EYS: variants seen among roughly 807,000 people sequenced by gnomAD.
The protein encoded by EYS is protein eyes shut homolog.
Under a neutral mutation model 282.1 loss-of-function variants are expected in EYS, and 250 were observed. The observed-to-expected ratio is 0.89, with a 90% CI of 0.80 to 0.98. The LOEUF is 0.98. Ranked by LOEUF, EYS falls within the 50% of genes least tolerant of loss-of-function variation. EYS has a pLI of 0.00. For synonymous variants in EYS, 1,355 were observed against 1,282.9 expected, an observed-to-expected ratio of 1.06 and a Z score of -1.20; for missense variants, 4,016 against 3,709.0, an observed-to-expected ratio of 1.08 and a Z score of -2.15.
At chr6:64,194,575 T>C (rs1402203531) in intron 31 of EYS, among the ~76,000 whole-genome samples, 1 of 152,136 alleles carries the variant, frequency 6.6e-6, no homozygotes, top group Non-Finnish European at 1.5e-5. Context: ...ACAATTACCT[T>C]TTGGTTTTTG....
At chr6:65,074,084 A>C (rs1329469627) in intron 12 of EYS, among the ~76,000 whole-genome samples, 1 of 152,082 alleles carries the variant, frequency 6.6e-6, no homozygotes, top group Non-Finnish European at 1.5e-5. Context: ...TAACTTATTA[A>C]GATAGTATTT....
intron 35 of EYS, among the ~76,000 whole-genome samples, chr6:63,878,565 G>T (rs561950753): frequency 4.6e-5 from 7 of 152,290 alleles, no homozygotes; most frequent in Non-Finnish European, 8.8e-5. Flanking sequence ...GCTATGCCCT[G>T]CCCGCAGAGG....
chr6:64,453,221 G>A (rs528578990), intron 26 of EYS, among the ~76,000 whole-genome samples: 195 of 152,200 alleles, frequency 1.3e-3, no homozygotes, highest in African/African-American at 4.6e-3. Context: ...CTTCTCAAGA[G>A]AAGACATTTA....
chr6:65,463,165 T>C (rs1413326827), intron 5 of EYS, among the ~76,000 whole-genome samples: 2 of 152,098 alleles, frequency 1.3e-5, no homozygotes, highest in Admixed American at 6.6e-5. Context: ...GTCTTTCAGA[T>C]GGTCTCTGAG....
chr6:64,306,530 T>G (rs1453315504), intron 30 of EYS, among the ~76,000 whole-genome samples: 1 of 152,152 alleles, frequency 6.6e-6, no homozygotes, highest in Non-Finnish European at 1.5e-5. Flanking sequence ...GATTTCTGTA[T>G]CCAGAAGCAG....
chr6:64,630,884 T>C (rs942476564), intron 22 of EYS, among the ~76,000 whole-genome samples: 4 of 152,212 alleles, frequency 2.6e-5, no homozygotes, highest in Non-Finnish European at 5.9e-5. Flanking sequence ...TCTGTAAAAA[T>C]TTATAACATG....
intron 2 of EYS, among the ~76,000 whole-genome samples, chr6:65,548,754 C>A (rs1768488291): frequency 6.6e-6 from 1 of 152,128 alleles, no homozygotes. Flanking sequence ...AGTATTAAAC[C>A]CACCCTATGA....
intron 35 of EYS, among the ~76,000 whole-genome samples, chr6:63,892,947 A>C (rs1487859487): frequency 6.6e-6 from 1 of 152,234 alleles, no homozygotes; most frequent in Non-Finnish European, 1.5e-5. Context: ...TTTCAAAAGA[A>C]GACGTTTATG....
intron 29 of EYS, among the ~76,000 whole-genome samples, chr6:64,382,872 GA>G (rs1489722889): frequency 6.6e-6 from 1 of 152,024 alleles, no homozygotes; most frequent in Non-Finnish European, 1.5e-5. Flanking sequence ...AAAATGGGAA[GA>G]GTGGTGGGTG....
At chr6:64,685,109 A>G (rs1192129653) in intron 22 of EYS, among the ~76,000 whole-genome samples, 3 of 152,146 alleles carry the variant, frequency 2.0e-5, no homozygotes, top group Non-Finnish European at 2.9e-5. Flanking sequence ...CAAAAAGTAT[A>G]AGAAATTTGG....
At chr6:65,212,644 T>G (rs1302911188) in intron 12 of EYS, among the ~76,000 whole-genome samples, 1 of 152,128 alleles carries the variant, frequency 6.6e-6, no homozygotes, top group African/African-American at 2.4e-5. Flanking sequence ...AATACAGATA[T>G]AGAACACATT....
intron 6 of EYS, 36 bp from the exon 7 acceptor site, chr6:65,402,641 T>G (rs1361474882): frequency 2.1e-6 from 3 of 1,423,238 alleles, no homozygotes; most frequent in Non-Finnish European, 3.0e-6. Flanking sequence ...TACAAAGTAT[T>G]ATGGATATTT....
intron 31 of EYS, among the ~76,000 whole-genome samples, chr6:64,152,448 T>C (rs1007727127): frequency 2.7e-4 from 41 of 152,288 alleles, no homozygotes; most frequent in African/African-American, 7.5e-4. Flanking sequence ...GTTTTGTGAT[T>C]AGATTTTAGT....
At chr6:65,436,215 A>G (rs1768069707) in intron 5 of EYS, among the ~76,000 whole-genome samples, 1 of 152,186 alleles carries the variant, frequency 6.6e-6, no homozygotes, top group South Asian at 2.1e-4. Context: ...TAAATATTTA[A>G]TAAAATTCCA....
In EYS at chr6:64,690,973, TATA is replaced by T. The variant is rs760857476; in HGVS notation, c.3444-64731_3444-64729del. Among the ~76,000 whole-genome samples, 5 of 151,978 alleles carry T rather than the reference TATA, an allele frequency of 3.3e-5. No individual in the cohort carries two copies. In the South Asian group the frequency reaches 6.2e-4, roughly 19 times the overall value. Reference sequence around the variant, plus strand: ...TGCACATGTACTCTAGAACTTAAGGTATAATAATAATAAATAATAAAAATAATA... The same window carrying T: ...TGCACATGTACTCTAGAACTTAAGGTATAATAATAAATAATAAAAATAATA... On this transcript the variant is annotated intron_variant, in intron 22 of 42. Coordinates refer to ENST00000503581, the MANE Select transcript of EYS (RefSeq NM_001142800.2).
chr6:64,295,320 C>CTTAAAGTATAATAGAA (rs779808286), intron 30 of EYS, among the ~76,000 whole-genome samples: 4 of 17,558 alleles, frequency 2.3e-4, no homozygotes, highest in African/African-American at 1.5e-3. Context: ...TACCCTAAAA[C>CTTAAAGTATAATAGAA]GAAGAAGAAG....
At chr6:65,360,588 AT>A (rs1227956217) in intron 8 of EYS, among the ~76,000 whole-genome samples, 11 of 152,086 alleles carry the variant, frequency 7.2e-5, no homozygotes, top group Non-Finnish European at 1.3e-4. Flanking sequence ...TTACTTTAAC[AT>A]TTTTCCATAA....
intron 1 of EYS, among the ~76,000 whole-genome samples, chr6:65,696,915 C>T (rs192929419): frequency 8.5e-5 from 13 of 152,050 alleles, no homozygotes; most frequent in African/African-American, 2.6e-4. Flanking sequence ...TAAGAGCTAT[C>T]GAATAGCATA....
At chr6:65,262,814 T>C (rs1253104245) in intron 12 of EYS, among the ~76,000 whole-genome samples, 1 of 152,038 alleles carries the variant, frequency 6.6e-6, no homozygotes, top group African/African-American at 2.4e-5. Flanking sequence ...CTTTAAAAGA[T>C]TTTAAGGGGA....
Sources: allele counts gnomAD v4.1 joint callset (sites outside exome capture counted in the v4.1 genomes callset), GRCh38; gene constraint gnomAD v4.1.1; transcripts MANE v1.5; gene names NCBI Gene and HGNC (gene_info 2026-07-23, HGNC 2026-07-21).